The following SLC5A11 variants were observed in gnomAD, a reference collection of about 807,000 sequenced individuals.
SLC5A11 encodes solute carrier family 5 member 11.
A neutral mutation model predicts 69.8 loss-of-function variants in SLC5A11; 48 were observed. That is an observed-to-expected ratio of 0.69 (90% CI 0.55 to 0.87). The LOEUF is 0.87. SLC5A11 is among the 40% of genes least tolerant of loss of function. The pLI is 0.00. For synonymous variants in SLC5A11, 319 were observed against 342.4 expected (o/e 0.93, Z 0.75); for missense variants, 784 against 866.1 (o/e 0.91, Z 1.19).
exon 9 of SLC5A11, chr16:24,890,896 G>T: frequency 6.2e-7 from 1 of 1,614,164 alleles, no homozygotes; most frequent in South Asian, 1.1e-5. Flanking sequence ...GGGATGGAAG[G>T]ACTGAAGGAG....
At chr16:24,858,861 G>A (rs1023723487) in intron 2 of SLC5A11, 83 bp downstream of exon 3, 2 of 1,477,818 alleles carry the variant, frequency 1.4e-6, no homozygotes, top group Admixed American at 2.2e-5. Context: ...CATCCTTTTG[G>A]AGCTAAGATA....
chr16:24,898,086 T>A (rs1183159505), exon 10 of SLC5A11: 2 of 1,614,118 alleles, frequency 1.2e-6, no homozygotes, highest in East Asian at 2.2e-5. Flanking sequence ...TTCCCTGGGA[T>A]GGTCAGCCGC....
intron 13 of SLC5A11, among the ~76,000 whole-genome samples, chr16:24,908,380 C>T (rs1240586406): frequency 6.6e-6 from 1 of 152,000 alleles, no homozygotes; most frequent in Admixed American, 6.6e-5. Context: ...GGGTGGATCA[C>T]TTGAGGTCAG....
At chr16:24,895,552 G>A (rs112158517) in intron 9 of SLC5A11, among the ~76,000 whole-genome samples, 1,718 of 145,072 alleles carry the variant, frequency 0.012, 46 homozygotes, top group African/African-American at 0.041. Flanking sequence ...GAAGAAAGGA[G>A]AGGACAGGAG....
chr16:24,873,260 A>G (rs551574403), intron 5 of SLC5A11, among the ~76,000 whole-genome samples: 7 of 137,184 alleles, frequency 5.1e-5, no homozygotes, highest in Non-Finnish European at 9.5e-5. Flanking sequence ...GAAGGAAGGA[A>G]GGAAGGAAGG....
chr16:24,854,132 T>C (rs1349132844), intron 1 of SLC5A11, among the ~76,000 whole-genome samples: 1 of 152,032 alleles, frequency 6.6e-6, no homozygotes, highest in East Asian at 1.9e-4. Flanking sequence ...CAGGCAGAGG[T>C]CTGGAAGGGG....
intron 1 of SLC5A11, among the ~76,000 whole-genome samples, chr16:24,850,811 C>T (rs566707196): frequency 1.3e-5 from 2 of 151,486 alleles, no homozygotes; most frequent in Admixed American, 6.6e-5. Flanking sequence ...AAAGTTTATT[C>T]GTTTTTTTTT....
At chr16:24,906,887 C>T in intron 11 of SLC5A11, 123 bp downstream of exon 12, 2 of 1,416,742 alleles carry the variant, frequency 1.4e-6, no homozygotes, top group South Asian at 1.3e-5. Flanking sequence ...ACTCTGGGCT[C>T]CCCAAGAAAG....
exon 16 of SLC5A11, chr16:24,911,371 G>A (rs764163810): frequency 1.2e-6 from 2 of 1,613,984 alleles, no homozygotes; most frequent in South Asian, 1.1e-5. Flanking sequence ...AGGCCATCCT[G>A]TGGCTCTGTG....
intron 8 of SLC5A11, among the ~76,000 whole-genome samples, chr16:24,886,883 A>T (rs2048435902): frequency 6.6e-6 from 1 of 152,184 alleles, no homozygotes; most frequent in Non-Finnish European, 1.5e-5. Flanking sequence ...CAGGAGGATC[A>T]CTTGAGTCCA....
chr16:24,910,058 A>G (rs2050394344), intron 14 of SLC5A11, among the ~76,000 whole-genome samples: 1 of 151,706 alleles, frequency 6.6e-6, no homozygotes, highest in African/African-American at 2.4e-5. Context: ...ATGAGGGATA[A>G]TCACATCCCA....
At chr16:24,866,399 G>C (rs1243525296) in intron 3 of SLC5A11, among the ~76,000 whole-genome samples, 1 of 151,788 alleles carries the variant, frequency 6.6e-6, no homozygotes, top group Admixed American at 6.6e-5. Flanking sequence ...AGGAGTTCAA[G>C]ACCAGCCTGG....
chr16:24,852,364 A>G (rs576664097), intron 1 of SLC5A11, among the ~76,000 whole-genome samples: 2 of 152,306 alleles, frequency 1.3e-5, no homozygotes, highest in South Asian at 4.1e-4. Context: ...CACATCTACC[A>G]TAGCAAATTA....
intron 14 of SLC5A11, among the ~76,000 whole-genome samples, chr16:24,909,789 A>G (rs1456357184): frequency 6.8e-6 from 1 of 147,572 alleles, no homozygotes; most frequent in Non-Finnish European, 1.5e-5. Context: ...TGACCATGCC[A>G]CTGCACTCCC....
At chr16:24,883,676 G>A (rs1020763589) in intron 7 of SLC5A11, among the ~76,000 whole-genome samples, 7 of 152,212 alleles carry the variant, frequency 4.6e-5, no homozygotes, top group African/African-American at 1.7e-4. Context: ...CTCCGTGGGG[G>A]CCCTCTTCCT....
intron 3 of SLC5A11, among the ~76,000 whole-genome samples, chr16:24,869,524 G>A (rs565844609): frequency 4.6e-5 from 7 of 152,212 alleles, no homozygotes; most frequent in Admixed American, 2.0e-4. Flanking sequence ...AGTAACACAG[G>A]CTTCCTGATT....
intron 10 of SLC5A11, among the ~76,000 whole-genome samples, chr16:24,901,879 G>A (rs2049619789): frequency 6.6e-6 from 1 of 151,702 alleles, no homozygotes. Context: ...GAGCCCAGGA[G>A]TTTGAGACCA....
intron 1 of SLC5A11, among the ~76,000 whole-genome samples, chr16:24,848,928 G>A (rs1360931056): frequency 6.6e-6 from 1 of 152,190 alleles, no homozygotes; most frequent in Non-Finnish European, 1.5e-5. Flanking sequence ...TAAAAATGAG[G>A]GAAAATGTGT....
At chr16:24,887,213 G>T (rs1446784609) in intron 8 of SLC5A11, among the ~76,000 whole-genome samples, 2 of 152,156 alleles carry the variant, frequency 1.3e-5, no homozygotes, top group African/African-American at 2.4e-5. Context: ...CTATGTGCCT[G>T]TCTTGAAGGT....
Sources: allele counts gnomAD v4.1 joint callset (sites outside exome capture counted in the v4.1 genomes callset), GRCh38; gene constraint gnomAD v4.1.1; transcripts MANE v1.5; gene names NCBI Gene and HGNC (gene_info 2026-07-23, HGNC 2026-07-21).